The following FAR2 variants were observed in gnomAD, a reference collection of about 807,000 sequenced individuals.
FAR2 encodes fatty acyl-CoA reductase 2, also known as epididymis secretory protein Li 81.
A neutral mutation model predicts 56.0 loss-of-function variants in FAR2; 19 were observed. The ratio of observed to expected loss-of-function variants is 0.34; its 90% CI spans 0.24 to 0.50. The LOEUF (loss-of-function observed/expected upper bound fraction) is 0.50. Among genes scored for constraint, FAR2 ranks in the 20% least tolerant of loss-of-function variants. The pLI, the probability that FAR2 is intolerant of heterozygous loss-of-function variation, is 0.98. For synonymous variants in FAR2, 219 were observed against 218.8 expected (o/e 1.00, Z -0.01); for missense variants, 508 against 642.2 (o/e 0.79, Z 2.26).
In FAR2 at chr12:29,214,086, G is replaced by A. The variant is rs774948064; in HGVS notation, c.-38-56326G>A. 5.3e-5 allele frequency among the ~76,000 whole-genome samples: 8 copies of A among 152,120 alleles called. No homozygotes were observed. The East Asian group carries it at 7.7e-4, about 15-fold the overall frequency. The stretch of plus-strand genomic sequence containing the variant: ...ACACTTGCAAATTTAAGCACATTTC[G>A]TCATCCAAGTCATCAATTTTCATTT... On this transcript the variant is annotated intron_variant, in intron 1 of 11. Coordinates refer to ENST00000536681, the MANE Select transcript of FAR2 (RefSeq NM_001271783.2).
At chr12:29,308,715 C>CATATATATATATATATAT (rs1416754268) in intron 5 of FAR2, among the ~76,000 whole-genome samples, 1 of 129,548 alleles carries the variant, frequency 7.7e-6, no homozygotes, top group African/African-American at 3.2e-5. Flanking sequence ...CACACACACA[C>CATATATATATATATATAT]ACACATATAT....
At position 29,311,666 on chromosome 12, in the gene FAR2, T is replaced by TCACACACACACACACA. The variant is rs61236613; in HGVS notation, c.888-204_888-189dup. On this transcript the variant is annotated intron_variant, in intron 7 of 11. Coordinates refer to ENST00000536681, the MANE Select transcript of FAR2 (RefSeq NM_001271783.2). The stretch of plus-strand genomic sequence containing the variant: ...ATGTCACTCCTATTTAACATCTCTT[T>TCACACACACACACACA]CACACACACACACACACACACACAC... Among the ~76,000 whole-genome samples the TCACACACACACACACA allele has an allele frequency of 9.4e-3, 1,384 of 147,488 alleles. 29 individuals carry two copies. Among genetic ancestry groups the TCACACACACACACACA allele is most frequent in the African/African-American group, 0.028 (1,125 of 40,214 alleles).
chr12:29,228,939 G>A (rs932499471), intron 1 of FAR2, among the ~76,000 whole-genome samples: 3 of 152,124 alleles, frequency 2.0e-5, no homozygotes, highest in African/African-American at 7.2e-5. Context: ...TAAGGTTTTG[G>A]GGGCCTTTTT....
At chr12:29,173,560 AT>A (rs1207738609) in intron 1 of FAR2, among the ~76,000 whole-genome samples, 1 of 152,062 alleles carries the variant, frequency 6.6e-6, no homozygotes, top group Non-Finnish European at 1.5e-5. Context: ...TCAGGTGACC[AT>A]TTTTCTCCAT....
Position 29,155,561 on chromosome 12 carries a change from G to T in FAR2, c.-39+6154G>T, listed in dbSNP as rs188765468. On this transcript the variant is annotated intron_variant, in intron 1 of 11. Coordinates refer to ENST00000536681, the MANE Select transcript of FAR2 (RefSeq NM_001271783.2). ...GCCCCTGCCTTTTTGTTTATTCTTT[G>T]AACTAAGAATGGTTCTTATATTTTT... 1.4e-3 allele frequency among the ~76,000 whole-genome samples: 213 copies of T among 152,184 alleles called. 1 individual carries two copies. In the South Asian group the frequency reaches 0.02, roughly 14 times the overall value.
At chr12:29,205,884 G>C (rs976995783) in intron 1 of FAR2, among the ~76,000 whole-genome samples, 12 of 151,468 alleles carry the variant, frequency 7.9e-5, no homozygotes. Context: ...TGGATTGTGG[G>C]GATTAGATGC....
chr12:29,270,066 A>T (rs767960385), intron 1 of FAR2, among the ~76,000 whole-genome samples: 1 of 152,182 alleles, frequency 6.6e-6, no homozygotes, highest in Admixed American at 6.5e-5. Flanking sequence ...AGATGCTTCT[A>T]TGTACCCCTC....
chr12:29,257,697 C>A (rs140259944), intron 1 of FAR2, among the ~76,000 whole-genome samples: 1 of 152,132 alleles, frequency 6.6e-6, no homozygotes, highest in African/African-American at 2.4e-5. Context: ...ACACTCACCT[C>A]GAAGGTCTGC....
chr12:29,175,326 T>C (rs1949927123), intron 1 of FAR2, among the ~76,000 whole-genome samples: 1 of 152,178 alleles, frequency 6.6e-6, no homozygotes, highest in Non-Finnish European at 1.5e-5. Flanking sequence ...GTGGTGGGTC[T>C]GGAGTCTGTT....
chr12:29,268,549 C>G (rs767114709), intron 1 of FAR2, among the ~76,000 whole-genome samples: 9 of 152,168 alleles, frequency 5.9e-5, no homozygotes, highest in Non-Finnish European at 1.0e-4. Context: ...CAGGGCACAC[C>G]AAAACCTGTG....
intron 1 of FAR2, chr12:29,223,804 T>C (rs1947726860): frequency 6.6e-6 from 1 of 152,196 alleles, no homozygotes; most frequent in Non-Finnish European, 1.5e-5. Context: ...CATTGCTCTT[T>C]AGAAGTAATT....
intron 1 of FAR2, among the ~76,000 whole-genome samples, chr12:29,178,761 C>T (rs908470422): frequency 1.6e-4 from 25 of 152,198 alleles, no homozygotes; most frequent in African/African-American, 6.0e-4. Flanking sequence ...AAAATATCTT[C>T]CTTTGCTGAC....
intron 4 of FAR2, among the ~76,000 whole-genome samples, chr12:29,298,824 T>G (rs1949113103): frequency 6.6e-6 from 1 of 152,188 alleles, no homozygotes; most frequent in African/African-American, 2.4e-5. Context: ...GATTCCAGAT[T>G]GTTTCCTGGG....
At chr12:29,222,193 CTGTTA>C (rs1467108750) in intron 1 of FAR2, among the ~76,000 whole-genome samples, 1 of 152,156 alleles carries the variant, frequency 6.6e-6, no homozygotes, top group East Asian at 1.9e-4. Flanking sequence ...TCATCACTCA[CTGTTA>C]TAAGAAAATC....
At chr12:29,232,853 C>T (rs1008215311) in intron 1 of FAR2, among the ~76,000 whole-genome samples, 2 of 134,630 alleles carry the variant, frequency 1.5e-5, no homozygotes, top group Admixed American at 1.4e-4. Flanking sequence ...ACACAGAGTG[C>T]CCTTCCCACT....
chr12:29,159,329 G>C (rs1057084531), intron 1 of FAR2, among the ~76,000 whole-genome samples: 9 of 152,046 alleles, frequency 5.9e-5, no homozygotes, highest in African/African-American at 2.2e-4. Flanking sequence ...ATGAGGTCAG[G>C]AGATCGAGAC....
chr12:29,169,957 A>G (rs191656564), intron 1 of FAR2, among the ~76,000 whole-genome samples: 2 of 152,330 alleles, frequency 1.3e-5, no homozygotes, highest in Non-Finnish European at 2.9e-5. Flanking sequence ...AGAAGTTAGG[A>G]TAATACAAGT....
intron 1 of FAR2, among the ~76,000 whole-genome samples, chr12:29,233,824 C>T (rs1205313978): frequency 6.6e-6 from 1 of 152,150 alleles, no homozygotes; most frequent in Non-Finnish European, 1.5e-5. Flanking sequence ...GCTTCTGGAA[C>T]AAGTTATCCT....
At chr12:29,212,525 A>G (rs1480347676) in intron 1 of FAR2, among the ~76,000 whole-genome samples, 1 of 152,114 alleles carries the variant, frequency 6.6e-6, no homozygotes, top group African/African-American at 2.4e-5. Context: ...ATTTGGCATA[A>G]TTACTCATAA....
Sources: gnomAD v4.1 joint callset for allele counts (sites outside exome capture counted in the v4.1 genomes callset) on GRCh38, gnomAD v4.1.1 for gene constraint, MANE v1.5 for transcripts, NCBI Gene and HGNC (gene_info 2026-07-23, HGNC 2026-07-21) for gene names.